Variants in GPAT4 observed in about 807,000 individuals in gnomAD.
GPAT4 encodes the protein glycerol-3-phosphate acyltransferase 4.
Under a neutral mutation model 58.0 loss-of-function variants are expected in GPAT4, and 17 were observed. That is an observed-to-expected ratio of 0.29 (90% CI 0.20 to 0.44). The LOEUF (loss-of-function observed/expected upper bound fraction) is 0.44. Among genes scored for constraint, GPAT4 ranks in the 20% least tolerant of loss-of-function variants. The pLI is 1.00. For synonymous variants in GPAT4, 204 were observed against 210.1 expected (o/e 0.97, Z 0.25); for missense variants, 377 against 574.5 (o/e 0.66, Z 3.51).
Position 41,622,484 on chromosome 8 carries a change from AT to A in GPAT4, c.*1485del, listed in dbSNP as rs1404641093. On this transcript the variant is annotated 3_prime_UTR_variant, in exon 13 of 13. Transcript: ENST00000396987. ...CCAGTTTCATGCTCCTCAGCTCCCC[AT>A]TCATGCCCCACCAGCCCTCACTTGG... The A allele has an allele frequency of 1.3e-5, 2 of 152,358 alleles. No homozygotes were observed. The highest frequency in any genetic ancestry group is 1.3e-4 in the Admixed American group (2 of 15,282). 9.4% of individuals were successfully genotyped at this position (152,358 alleles called of 1,614,324 possible). A position where few individuals can be genotyped will look rare whatever the true frequency, so the allele number is the denominator to read the frequency against.
At chr8:41,611,210 G>A (rs1347087046) in intron 5 of GPAT4, among the ~76,000 whole-genome samples, 1 of 152,236 alleles carries the variant, frequency 6.6e-6, no homozygotes, top group Non-Finnish European at 1.5e-5. Flanking sequence ...AGGCAACAGA[G>A]CGAGACTCCA....
intron 2 of GPAT4, among the ~76,000 whole-genome samples, chr8:41,600,041 T>C (rs1159779288): frequency 7.4e-6 from 1 of 134,640 alleles, no homozygotes; most frequent in South Asian, 2.4e-4. Context: ...CTTTTCTTTT[T>C]TTTTTTTTTT....
chr8:41,620,432 T>C (rs1386714772), intron 12 of GPAT4, among the ~76,000 whole-genome samples: 1 of 152,208 alleles, frequency 6.6e-6, no homozygotes, highest in Non-Finnish European at 1.5e-5. Flanking sequence ...CGTTACCCCT[T>C]GTGTTAGCTC....
chr8:41,599,949 A>G (rs1029483494), intron 2 of GPAT4, among the ~76,000 whole-genome samples: 17 of 151,912 alleles, frequency 1.1e-4, no homozygotes, highest in Admixed American at 6.6e-4. Flanking sequence ...TAGTCACCAA[A>G]TCTTTAGGGA....
chr8:41,619,137 G>A (rs1803680701), intron 12 of GPAT4, 160 bp downstream of exon 12: 2 of 846,072 alleles, frequency 2.4e-6, no homozygotes, highest in South Asian at 1.7e-5. Flanking sequence ...AGTGCCCTGT[G>A]CTTCCTTGAC....
intron 1 of GPAT4, among the ~76,000 whole-genome samples, chr8:41,582,535 T>G (rs1335896102): frequency 2.6e-5 from 4 of 152,028 alleles, no homozygotes; most frequent in Non-Finnish European, 5.9e-5. Flanking sequence ...CTTTAAAAAT[T>G]TTTGATCAGT....
chr8:41,620,518 A>G (rs1358810043), intron 12 of GPAT4, among the ~76,000 whole-genome samples: 2 of 152,220 alleles, frequency 1.3e-5, no homozygotes, highest in South Asian at 2.1e-4. Flanking sequence ...CAGATACGTT[A>G]TGAGTCGATA....
chr8:41,610,238 C>T lies in GPAT4; in HGVS notation c.536+283C>T, dbSNP rs898664835. On this transcript the variant is annotated intron_variant, in intron 4 of 12. Transcript: ENST00000396987. Reference sequence around the variant, plus strand: ...GGAACATTGTGTGCTTTCTGCCACTCCTTCCTGGACATGGCTCATTCTTTC... The same window carrying T: ...GGAACATTGTGTGCTTTCTGCCACTTCTTCCTGGACATGGCTCATTCTTTC... 3.1e-6 allele frequency: 4 copies of T among 1,299,912 alleles called. No individual in the cohort carries two copies. In the East Asian group the frequency reaches 1.0e-4, roughly 34 times the overall value. The allele number at this position is 1,299,912 out of a possible 1,614,324, so 80.5% of individuals were successfully genotyped here.
chr8:41,621,112 G>T lies in GPAT4; in HGVS notation c.*111G>T. 7.0e-7 allele frequency: 1 copy of T among 1,437,130 alleles called. No homozygotes were observed. Among genetic ancestry groups the T allele is most frequent in the South Asian group, 1.4e-5 (1 of 73,532 alleles). The allele number at this position is 1,437,130 out of a possible 1,614,324, so 89.0% of individuals were successfully genotyped here. A position where few individuals can be genotyped will look rare whatever the true frequency, so the allele number is the denominator to read the frequency against. Reference sequence around the variant, plus strand: ...CCTTTCCAGACTCCAGGGCTCCCCGGGCTGCTCTGGATCCCAGGACTCCGG... The same window carrying T: ...CCTTTCCAGACTCCAGGGCTCCCCGTGCTGCTCTGGATCCCAGGACTCCGG... On this transcript the variant is annotated 3_prime_UTR_variant, in exon 13 of 13. Transcript: ENST00000396987.
chr8:41,580,054 G>A lies in GPAT4; in HGVS notation c.-849+1776G>A, dbSNP rs144487651. On this transcript the variant is annotated intron_variant, in intron 1 of 12. Transcript: ENST00000396987. ...CTTGCCTTCAGGAAAGAGAAATGGT[G>A]TAGGAAGGCTGTGGATGAAGACGCT... 3.0e-4 allele frequency among the ~76,000 whole-genome samples: 46 copies of A among 152,320 alleles called. No individual in the cohort carries two copies. The East Asian group carries it at 8.5e-3, about 28-fold the overall frequency.
rs1230518598 is a variant in GPAT4, at chr8:41,624,641, G to C, written c.*3640G>C. 1 of 152,100 alleles carries C rather than the reference G, an allele frequency of 6.6e-6. No homozygotes were observed. Among genetic ancestry groups the C allele is most frequent in the Non-Finnish European group, 1.5e-5 (1 of 68,046 alleles). The allele number at this position is 152,100 out of a possible 1,614,324, so 9.4% of individuals were successfully genotyped here. A position where few individuals can be genotyped will look rare whatever the true frequency, so the allele number is the denominator to read the frequency against. On this transcript the variant is annotated 3_prime_UTR_variant, in exon 13 of 13. Coordinates refer to ENST00000396987, the MANE Select transcript of GPAT4 (RefSeq NM_178819.4). ...CGCGGACAGGTTAGGATATGGCCAC[G>C]CAGCCATCCATCTTCTACAGCACGC...
intron 1 of GPAT4, among the ~76,000 whole-genome samples, chr8:41,589,466 G>T (rs575796330): frequency 7.9e-4 from 121 of 152,276 alleles, no homozygotes; most frequent in African/African-American, 2.8e-3. Flanking sequence ...CCTATAAGGG[G>T]CAGATAGTGA....
rs1167021342 is a variant in GPAT4 at position 41,611,976 on chromosome 8, A to T, written c.685A>T (p.Ile229Phe). The part of the protein sequence containing the change: ...RICVRALTAI[I>F]TYHDRENRPR... ...CTGCGTGCGAGCGCTGACAGCCATC[A>T]TCACCTACCATGACAGGTGAGAGCG... is the stretch of plus-strand genomic sequence containing the variant. The change falls in exon 6 of 13, where the codon ATC becomes TTC. Residue 229 changes from isoleucine to phenylalanine, a missense_variant. Ile to Phe is a conservative substitution (Grantham distance 21, BLOSUM62 0). Coordinates refer to ENST00000396987, the MANE Select transcript of GPAT4 (RefSeq NM_178819.4). 6.2e-7 allele frequency: 1 copy of T among 1,614,166 alleles called. No individual in the cohort carries two copies. Among genetic ancestry groups the T allele is most frequent in the Non-Finnish European group, 8.5e-7 (1 of 1,180,020 alleles).
intron 10 of GPAT4, among the ~76,000 whole-genome samples, chr8:41,616,716 A>G (rs1456209933): frequency 1.3e-5 from 2 of 152,120 alleles, no homozygotes; most frequent in African/African-American, 4.8e-5. Context: ...AACCCTGAGG[A>G]GTTTCCGCTC....
chr8:41,586,736 C>A (rs1347640612), intron 1 of GPAT4, among the ~76,000 whole-genome samples: 1 of 152,272 alleles, frequency 6.6e-6, no homozygotes, highest in East Asian at 1.9e-4. Flanking sequence ...TGTGATCCCC[C>A]TCCTTTTTTT....
chr8:41,601,412 G>A (rs543528591), intron 2 of GPAT4, among the ~76,000 whole-genome samples: 69 of 152,190 alleles, frequency 4.5e-4, no homozygotes, highest in Middle Eastern at 3.4e-3. Context: ...AGAAAATCTC[G>A]AGCAGCACAC....
chr8:41,592,654 C>G (rs1019274102), intron 1 of GPAT4, among the ~76,000 whole-genome samples: 1 of 152,162 alleles, frequency 6.6e-6, no homozygotes, highest in Non-Finnish European at 1.5e-5. Flanking sequence ...AGAGACTGGG[C>G]TAAATGCTCG....
At chr8:41,595,893 G>C (rs2150489797) in intron 1 of GPAT4, among the ~76,000 whole-genome samples, 1 of 151,986 alleles carries the variant, frequency 6.6e-6, no homozygotes, top group African/African-American at 2.4e-5. Context: ...CACTTATGCT[G>C]CTGTTCTCTC....
intron 1 of GPAT4, among the ~76,000 whole-genome samples, chr8:41,583,305 C>T (rs1013502396): frequency 2.0e-5 from 3 of 151,626 alleles, no homozygotes; most frequent in South Asian, 4.2e-4. Context: ...GGAACTCATT[C>T]GTTCCATTTA....
Sources: allele counts gnomAD v4.1 joint callset (sites outside exome capture counted in the v4.1 genomes callset), GRCh38; gene constraint gnomAD v4.1.1; transcripts MANE v1.5; gene names NCBI Gene and HGNC (gene_info 2026-07-23, HGNC 2026-07-21).